CNTNAP5: variants seen among roughly 807,000 people sequenced by gnomAD.
CNTNAP5 encodes the protein contactin associated protein family member 5, also known as contactin-associated protein-like 5.
A neutral mutation model predicts 150.2 loss-of-function variants in CNTNAP5; 72 were observed. The observed-to-expected ratio is 0.48, with a 90% CI of 0.40 to 0.58. The LOEUF (loss-of-function observed/expected upper bound fraction) is 0.58, where lower values mean the gene tolerates loss of function less well. Among genes scored for constraint, CNTNAP5 ranks in the 20% least tolerant of loss-of-function variants. The probability of loss-of-function intolerance (pLI) is 0.00; values close to 1 mark genes in which losing one functional copy is unlikely to be tolerated. For synonymous variants in CNTNAP5, 672 were observed against 619.8 expected (o/e 1.08, Z -1.25); for missense variants, 1,636 against 1,626.2 (o/e 1.01, Z -0.10).
rs539632700 is a variant in CNTNAP5 at position 124,214,058 on chromosome 2, G to T, written c.83-7647G>T. ...CAAAGCCCAGTTTAGATATTGCAGA[G>T]ACTCTGAAATGGACAAAAAATGTAT... On this transcript the variant is annotated intron_variant, in intron 1 of 23. Coordinates refer to ENST00000682447, the MANE Select transcript of CNTNAP5 (RefSeq NM_001367498.1). Among the ~76,000 whole-genome samples the T allele has an allele frequency of 2.0e-5, 3 of 152,168 alleles. No individual in the cohort carries two copies. The South Asian group carries it at 6.2e-4, about 32-fold the overall frequency.
chr2:124,315,547 A>G (rs1688940865), intron 3 of CNTNAP5, among the ~76,000 whole-genome samples: 2 of 152,146 alleles, frequency 1.3e-5, no homozygotes, highest in South Asian at 2.1e-4. Context: ...GTTTCATAAG[A>G]TGATGTATTT....
At chr2:124,854,291 A>G (rs547653319) in intron 19 of CNTNAP5, among the ~76,000 whole-genome samples, 2 of 152,322 alleles carry the variant, frequency 1.3e-5, no homozygotes, top group East Asian at 3.9e-4. Flanking sequence ...GTAGCATGAC[A>G]TAGTGGAAAG....
At chr2:124,776,278 G>T (rs1000710946) in intron 17 of CNTNAP5, among the ~76,000 whole-genome samples, 2 of 148,058 alleles carry the variant, frequency 1.4e-5, no homozygotes, top group African/African-American at 5.3e-5. Flanking sequence ...TTTTTCCCAT[G>T]GGCCTATTTT....
At chr2:124,105,859 A>G (rs1391576079) in intron 1 of CNTNAP5, among the ~76,000 whole-genome samples, 1 of 152,006 alleles carries the variant, frequency 6.6e-6, no homozygotes, top group Non-Finnish European at 1.5e-5. Flanking sequence ...ATGCTTTCCT[A>G]GTGATTATTT....
At chr2:124,693,452 C>T (rs911764957) in intron 13 of CNTNAP5, among the ~76,000 whole-genome samples, 1 of 152,028 alleles carries the variant, frequency 6.6e-6, no homozygotes, top group African/African-American at 2.4e-5. Context: ...TCATAGAAAC[C>T]TCTTTAGTAT....
intron 6 of CNTNAP5, among the ~76,000 whole-genome samples, chr2:124,468,841 G>T (rs1693439785): frequency 6.6e-6 from 1 of 152,138 alleles, no homozygotes; most frequent in Admixed American, 6.5e-5. Flanking sequence ...CTGTGCTAGA[G>T]TGACCAGGTC....
intron 13 of CNTNAP5, among the ~76,000 whole-genome samples, chr2:124,681,858 G>A (rs1679076945): frequency 6.6e-6 from 1 of 152,164 alleles, no homozygotes. Context: ...CACCATGCCA[G>A]GCCCTTGTTT....
intron 3 of CNTNAP5, among the ~76,000 whole-genome samples, chr2:124,375,399 G>A (rs1275763982): frequency 5.9e-5 from 9 of 151,992 alleles, no homozygotes; most frequent in Non-Finnish European, 1.2e-4. Context: ...TCACTTCTGT[G>A]GCCTTCTTGC....
chr2:124,752,700 A>T (rs774052037), intron 14 of CNTNAP5, among the ~76,000 whole-genome samples: 3 of 152,172 alleles, frequency 2.0e-5, no homozygotes, highest in African/African-American at 4.8e-5. Flanking sequence ...ACTTCTCTCA[A>T]CATAATCATT....
At chr2:124,195,217 G>T (rs916061470) in intron 1 of CNTNAP5, among the ~76,000 whole-genome samples, 1 of 152,188 alleles carries the variant, frequency 6.6e-6, no homozygotes, top group Non-Finnish European at 1.5e-5. Context: ...GGCCAAGCTG[G>T]AGAGCCAGGT....
At chr2:124,640,426 A>T (rs1387183202) in intron 12 of CNTNAP5, among the ~76,000 whole-genome samples, 4 of 152,178 alleles carry the variant, frequency 2.6e-5, no homozygotes, top group Non-Finnish European at 5.9e-5. Flanking sequence ...TCTGCATGGC[A>T]CTAATGCAGA....
In CNTNAP5 at chr2:124,918,334, A is replaced by G. The variant is rs1310013191; in HGVS notation, c.*4046A>G. ...TCCTGATGAGCCATTTTGACTCTAC[A>G]TAACATTTCTGAACCTAACTGAAGT... On this transcript the variant is annotated 3_prime_UTR_variant, in exon 24 of 24. Transcript: ENST00000682447. 2.0e-5 allele frequency among the ~76,000 whole-genome samples: 3 copies of G among 152,046 alleles called. No homozygotes were observed. Among genetic ancestry groups the G allele is most frequent in the Non-Finnish European group, 2.9e-5 (2 of 67,986 alleles).
chr2:124,094,489 C>T (rs530899619), intron 1 of CNTNAP5, among the ~76,000 whole-genome samples: 2 of 152,278 alleles, frequency 1.3e-5, no homozygotes, highest in Non-Finnish European at 2.9e-5. Flanking sequence ...TTGTCTAATA[C>T]ATTTATAGAT....
intron 3 of CNTNAP5, among the ~76,000 whole-genome samples, chr2:124,405,281 G>T (rs891911437): frequency 6.6e-6 from 1 of 152,182 alleles, no homozygotes; most frequent in Non-Finnish European, 1.5e-5. Context: ...GGCGGGAACA[G>T]GGTGTCTCTT....
intron 19 of CNTNAP5, among the ~76,000 whole-genome samples, chr2:124,805,793 C>A (rs1224884504): frequency 6.6e-6 from 1 of 152,136 alleles, no homozygotes; most frequent in African/African-American, 2.4e-5. Flanking sequence ...GAGGACCCTG[C>A]CTTTGTGTTG....
intron 1 of CNTNAP5, among the ~76,000 whole-genome samples, chr2:124,133,236 C>T (rs770856768): frequency 1.3e-5 from 2 of 152,164 alleles, no homozygotes; most frequent in Non-Finnish European, 2.9e-5. Context: ...TTCCATTCCG[C>T]TCCATAGCTC....
At chr2:124,230,512 G>GTATA (rs759909893) in intron 2 of CNTNAP5, among the ~76,000 whole-genome samples, 2 of 93,690 alleles carry the variant, frequency 2.1e-5, no homozygotes, top group African/African-American at 3.7e-5. Flanking sequence ...GTGTGTGTGT[G>GTATA]TATATATATA....
intron 3 of CNTNAP5, among the ~76,000 whole-genome samples, chr2:124,245,764 C>G (rs1413973286): frequency 6.6e-6 from 1 of 151,738 alleles, no homozygotes; most frequent in Admixed American, 6.6e-5. Flanking sequence ...GGGTCTTACT[C>G]TGTCACTCAG....
At position 124,242,379 on chromosome 2, in the gene CNTNAP5, G is replaced by C. The variant is rs757022526; in HGVS notation, c.367G>C (p.Glu123Gln). 3 of 1,612,772 alleles carry C rather than the reference G, an allele frequency of 1.9e-6. No individual in the cohort carries two copies. The African/African-American group carries it at 4.0e-5, about 22-fold the overall frequency. ...ACGCAACTGGAAACAGTACAAACAA[G>C]AAGACAGCATCTGGGTAGGACATCT... ...TGRNWKQYKQ[E>Q]DSIWTFAGNM... Residue 123 changes from glutamate (E) to glutamine (Q), a missense_variant, in exon 3 of 24, where the codon GAA becomes CAA. Coordinates refer to ENST00000682447, the MANE Select transcript of CNTNAP5 (RefSeq NM_001367498.1).
Sources: allele counts gnomAD v4.1 joint callset (sites outside exome capture counted in the v4.1 genomes callset), GRCh38; gene constraint gnomAD v4.1.1; transcripts MANE v1.5; gene names NCBI Gene and HGNC (gene_info 2026-07-23, HGNC 2026-07-21).